Variants in SLC22A17 observed in about 807,000 individuals in gnomAD.
SLC22A17 encodes the protein solute carrier family 22 member 17.
SLC22A17 carries 38 observed loss-of-function variants against 53.6 expected under a neutral mutation model. That is an observed-to-expected ratio of 0.71 (90% confidence interval 0.55 to 0.93). SLC22A17 has a LOEUF of 0.93. Ranked by LOEUF, SLC22A17 falls within the 40% of genes least tolerant of loss-of-function variation. SLC22A17 has a pLI of 0.00. For synonymous variants in SLC22A17, 379 were observed against 353.0 expected (o/e 1.07, Z -0.82); for missense variants, 704 against 791.0 (o/e 0.89, Z 1.32).
chr14:23,348,263 T>G lies in SLC22A17; in HGVS notation c.1069A>C (p.Lys357Gln). The G allele has an allele frequency of 6.2e-7, 1 of 1,614,088 alleles. No homozygotes were observed. The highest frequency in any genetic ancestry group is 1.1e-5 in the South Asian group (1 of 91,080). Residue 357 changes from lysine (K) to glutamine (Q), a missense_variant, in exon 6 of 10, where the codon AAG (lysine) becomes CAG (glutamine). This residue lies in a region of SLC22A17 where 435 missense variants were observed against 529.0 expected (regional missense o/e 0.82). Coordinates refer to ENST00000397267, the Ensembl canonical transcript of SLC22A17. This position sits in a 1 kb window ranked among gnomAD's most constrained non-coding sequence, Gnocchi z 4.5. The stretch of plus-strand genomic sequence containing the variant: ...GACTGAGCCTCCTCAATCTGCCGCT[T>G]CACTATCAGCCACCGTGCGGACTCC...
At chr14:23,346,979 T>C in intron 9 of SLC22A17, 43 bp from the exon 10 acceptor site, 1 of 1,500,886 alleles carries the variant, frequency 6.7e-7, no homozygotes, top group Non-Finnish European at 8.9e-7. Context: ...AGCTGTAGCC[T>C]TGCTGGGCCC....
At chr14:23,351,711 C>T (rs745423097) in intron 3 of SLC22A17, 41 bp downstream of exon 3, 1 of 1,565,276 alleles carries the variant, frequency 6.4e-7, no homozygotes, top group East Asian at 2.3e-5. Context: ...TCCCTAGCAC[C>T]CCCTCCTTTC....
chr14:23,348,812 T>C lies in SLC22A17; in HGVS notation c.860-141A>G. 6 of 889,230 alleles carry C rather than the reference T, an allele frequency of 6.7e-6. No individual in the cohort carries two copies. The highest frequency in any genetic ancestry group is 6.7e-6 in the Non-Finnish European group (4 of 600,288). 55.1% of individuals were successfully genotyped at this position (889,230 alleles called of 1,614,324 possible). On this transcript the variant is annotated intron_variant, in intron 4 of 9. Coordinates refer to ENST00000397267, the Ensembl canonical transcript of SLC22A17. The surrounding 1 kb of genome is among the most constrained non-coding windows in gnomAD (Gnocchi z 4.5). Reference sequence around the variant, plus strand: ...AGGCTGCAGCCATTGCCTCCCTTGCTAACCTCTGGGTGGCAAGGACTGGGG... The same window carrying C: ...AGGCTGCAGCCATTGCCTCCCTTGCCAACCTCTGGGTGGCAAGGACTGGGG...
In SLC22A17 at chr14:23,348,941, T is replaced by A. The variant is rs1889434689; in HGVS notation, c.860-270A>T. 1.0e-5 allele frequency: 6 copies of A among 592,036 alleles called. No individual in the cohort carries two copies. In the South Asian group the frequency reaches 1.0e-4, roughly 10 times the overall value. 36.7% of individuals were successfully genotyped at this position (592,036 alleles called of 1,614,324 possible). ...TTTCCAATTTATAGGCCCTTTCCCA[T>A]CAGGCCTCTTATTTGACCTTCACAT... On this transcript the variant is annotated intron_variant, in intron 4 of 9. Transcript: ENST00000397267. The surrounding 1 kb of genome is among the most constrained non-coding windows in gnomAD (Gnocchi z 4.5).
At chr14:23,349,069 C>T (rs915863791) in intron 4 of SLC22A17, 3 of 679,402 alleles carry the variant, frequency 4.4e-6, no homozygotes, top group Non-Finnish European at 7.7e-6. Flanking sequence ...AAGTCCAGGA[C>T]AAAGACTTTA....
At position 23,352,293 on chromosome 14, in the gene SLC22A17, GGCGAGCA is replaced by G; in HGVS notation, c.248_254del (p.Leu83ProfsTer70). 1 of 1,400,836 alleles carries G rather than the reference GGCGAGCA, an allele frequency of 7.1e-7. No homozygotes were observed. The highest frequency in any genetic ancestry group is 9.3e-7 in the Non-Finnish European group (1 of 1,078,784). 86.8% of individuals were successfully genotyped at this position (1,400,836 alleles called of 1,614,324 possible). A position where few individuals can be genotyped will look rare whatever the true frequency, so the allele number is the denominator to read the frequency against. On this transcript the variant is annotated frameshift_variant, in exon 2 of 10. Transcript: ENST00000397267. LOFTEE classifies it high-confidence loss of function. The surrounding 1 kb of genome is among the most constrained non-coding windows in gnomAD (Gnocchi z 7.2). ...GGCCGCCGCCCAGCGCCCCCACCTG[GGCGAGCA>G]GCGCCTCAAAGCTGAGGGGGCCTGG... is the stretch of plus-strand genomic sequence containing the variant.
In SLC22A17 at chr14:23,348,814, A is replaced by C; in HGVS notation, c.860-143T>G. The C allele has an allele frequency of 6.9e-6, 6 of 873,630 alleles. No homozygotes were observed. Among genetic ancestry groups the C allele is most frequent in the Non-Finnish European group, 6.8e-6 (4 of 586,582 alleles). 54.1% of individuals were successfully genotyped at this position (873,630 alleles called of 1,614,324 possible). A position where few individuals can be genotyped will look rare whatever the true frequency, so the allele number is the denominator to read the frequency against. ...GCTGCAGCCATTGCCTCCCTTGCTA[A>C]CCTCTGGGTGGCAAGGACTGGGGAG... On this transcript the variant is annotated intron_variant, in intron 4 of 9. Transcript: ENST00000397267. This position sits in a 1 kb window ranked among gnomAD's most constrained non-coding sequence, Gnocchi z 4.5.
chr14:23,347,549 C>T lies in SLC22A17; in HGVS notation c.1460G>A (p.Gly487Asp). ...GCCCAGCAGGACCAGGGAAGCAATG[C>T]CGGTAAGGGTCATGGAGAGAAGAAG... Residue 487 changes from glycine to aspartate, a missense_variant, in exon 8 of 10, where the codon GGC becomes GAC. Coordinates refer to ENST00000397267, the Ensembl canonical transcript of SLC22A17. The surrounding 1 kb of genome is among the most constrained non-coding windows in gnomAD (Gnocchi z 5.1). 2.5e-6 allele frequency: 4 copies of T among 1,614,020 alleles called. No homozygotes were observed. Among genetic ancestry groups the T allele is most frequent in the Non-Finnish European group, 3.4e-6 (4 of 1,179,976 alleles).
Position 23,348,873 on chromosome 14 carries a change from C to T in SLC22A17, c.860-202G>A, listed in dbSNP as rs1313759846. 1.6e-6 allele frequency: 1 copy of T among 623,824 alleles called. No individual in the cohort carries two copies. The highest frequency in any genetic ancestry group is 2.8e-6 in the Non-Finnish European group (1 of 361,732). The allele number at this position is 623,824 out of a possible 1,614,324, so 38.6% of individuals were successfully genotyped here. On this transcript the variant is annotated intron_variant, in intron 4 of 9. Coordinates refer to ENST00000397267, the Ensembl canonical transcript of SLC22A17. The surrounding 1 kb of genome is among the most constrained non-coding windows in gnomAD (Gnocchi z 4.5). Reference sequence around the variant, plus strand: ...GCCCTCTCTCCTCTCCTGCTCAAACCTAGGAGGGCTCTAGGGCCAGAGTCC... The same window carrying T: ...GCCCTCTCTCCTCTCCTGCTCAAACTTAGGAGGGCTCTAGGGCCAGAGTCC...
In SLC22A17 at chr14:23,347,544, C is replaced by A; in HGVS notation, c.1465G>T (p.Ala489Ser). 6.2e-7 allele frequency: 1 copy of A among 1,614,092 alleles called. No individual in the cohort carries two copies. Among genetic ancestry groups the A allele is most frequent in the Non-Finnish European group, 8.5e-7 (1 of 1,179,996 alleles). ...CACAGGCCCAGCAGGACCAGGGAAG[C>A]AATGCCGGTAAGGGTCATGGAGAGA... Residue 489 changes from alanine to serine, a missense_variant, in exon 8 of 10, where the codon GCT (alanine) becomes TCT (serine). Physicochemically the swap from Ala to Ser is moderately conservative, Grantham distance 99 (BLOSUM62 1). Transcript: ENST00000397267. The surrounding 1 kb of genome is among the most constrained non-coding windows in gnomAD (Gnocchi z 5.1).
rs1326378155 is a variant in SLC22A17, at chr14:23,348,889, G to C, written c.860-218C>G. The stretch of plus-strand genomic sequence containing the variant: ...TGCTCAAACCTAGGAGGGCTCTAGG[G>C]CCAGAGTCCTGGGTGAGTGTTCAAC... On this transcript the variant is annotated intron_variant, in intron 4 of 9. Coordinates refer to ENST00000397267, the Ensembl canonical transcript of SLC22A17. This position sits in a 1 kb window ranked among gnomAD's most constrained non-coding sequence, Gnocchi z 4.5. The C allele has an allele frequency of 1.6e-6, 1 of 607,396 alleles. No individual in the cohort carries two copies. The highest frequency in any genetic ancestry group is 2.8e-5 in the East Asian group (1 of 36,136). The allele number at this position is 607,396 out of a possible 1,614,324, so 37.6% of individuals were successfully genotyped here. A position where few individuals can be genotyped will look rare whatever the true frequency, so the allele number is the denominator to read the frequency against.
In SLC22A17 at chr14:23,347,961, A is replaced by T. The variant is rs778711708; in HGVS notation, c.1207T>A (p.Ser403Thr). The change falls in exon 7 of 10, where the codon TCC (serine) becomes ACC (threonine). Residue 403 changes from serine (S) to threonine (T), a missense_variant. Ser to Thr is a moderately conservative substitution (Grantham distance 58). This residue lies in a region of SLC22A17 where 435 missense variants were observed against 529.0 expected (regional missense o/e 0.82). Transcript: ENST00000397267. The surrounding 1 kb of genome is among the most constrained non-coding windows in gnomAD (Gnocchi z 5.1). ...TTGAGGAGGGAAGCAAAGGAAAAGG[A>T]GGATGTTGCAGGGAGAGGGCAGGTA... 4 of 1,614,136 alleles carry T rather than the reference A, an allele frequency of 2.5e-6. No homozygotes were observed. In the South Asian group the frequency reaches 4.4e-5, roughly 18 times the overall value.
intron 3 of SLC22A17, among the ~76,000 whole-genome samples, chr14:23,350,561 C>T (rs921936277): frequency 6.6e-6 from 1 of 152,058 alleles, no homozygotes; most frequent in Non-Finnish European, 1.5e-5. Context: ...GGGGATAAGA[C>T]CATTGATCTA....
At position 23,346,917 on chromosome 14, in the gene SLC22A17, T is replaced by C. The variant is rs1421972951; in HGVS notation, c.1681A>G (p.Ile561Val). The C allele has an allele frequency of 3.3e-6, 5 of 1,538,330 alleles. No homozygotes were observed. The African/African-American group carries it at 6.8e-5, about 21-fold the overall frequency. Residue 561 changes from isoleucine (I) to valine (V), a missense_variant, in exon 10 of 10, where the codon ATC becomes GTC. Transcript: ENST00000397267. Reference sequence around the variant, plus strand: ...CCTCCAAGCGCCCCTAGAGCCATGATCAGGCCCAGGCCACGGCCCCTGGGG... The same window carrying C: ...CCTCCAAGCGCCCCTAGAGCCATGACCAGGCCCAGGCCACGGCCCCTGGGG...
chr14:23,347,687 C>A lies in SLC22A17; in HGVS notation c.1322G>T (p.Gly441Val). Reference sequence around the variant, plus strand: ...GTAGAAGTCCGATGGGCTCCCTCCTCCTCCCACAGGCTGGTAGCAGTGGCG... The same window carrying A: ...GTAGAAGTCCGATGGGCTCCCTCCTACTCCCACAGGCTGGTAGCAGTGGCG... The change falls in exon 8 of 10, where the codon GGA becomes GTA. Residue 441 changes from glycine to valine, a missense_variant. Physicochemically the swap from Gly to Val is moderately radical, Grantham distance 109. Transcript: ENST00000397267. This position sits in a 1 kb window ranked among gnomAD's most constrained non-coding sequence, Gnocchi z 5.1. The A allele has an allele frequency of 6.2e-7, 1 of 1,614,022 alleles. No homozygotes were observed. Among genetic ancestry groups the A allele is most frequent in the Non-Finnish European group, 8.5e-7 (1 of 1,180,016 alleles).
At chr14:23,351,849 G>C (rs1889642752) in exon 3 of SLC22A17, 1 of 1,613,392 alleles carries the variant, frequency 6.2e-7, no homozygotes, top group African/African-American at 1.3e-5. Flanking sequence ...TCACACACCA[G>C]ATCCCACTGG....
rs1889730230 is a variant in SLC22A17 at position 23,352,813 on chromosome 14, G to A, written c.-72C>T. Reference sequence around the variant, plus strand: ...TGTCCTCTGGCTCAGTTGCGCGCCGGCTGCCCGGACACAGACAGCTCGAAG... The same window carrying A: ...TGTCCTCTGGCTCAGTTGCGCGCCGACTGCCCGGACACAGACAGCTCGAAG... On this transcript the variant is annotated 5_prime_UTR_variant, in exon 1 of 10. Transcript: ENST00000397267. The surrounding 1 kb of genome is among the most constrained non-coding windows in gnomAD (Gnocchi z 7.2). The A allele has an allele frequency of 5.0e-6, 2 of 398,378 alleles. No individual in the cohort carries two copies. Among genetic ancestry groups the A allele is most frequent in the Admixed American group, 8.8e-5 (2 of 22,694 alleles). 24.7% of individuals were successfully genotyped at this position (398,378 alleles called of 1,614,324 possible). A position where few individuals can be genotyped will look rare whatever the true frequency, so the allele number is the denominator to read the frequency against.
Position 23,352,175 on chromosome 14 carries a change from G to A in SLC22A17, c.373C>T (p.His125Tyr), listed in dbSNP as rs1254984093. 3.7e-5 allele frequency: 57 copies of A among 1,524,184 alleles called. No individual in the cohort carries two copies. The highest frequency in any genetic ancestry group is 4.7e-5 in the Non-Finnish European group (54 of 1,140,326). 94.4% of individuals were successfully genotyped at this position (1,524,184 alleles called of 1,614,324 possible). ...GGGGGGAAGGCCCCGTAGTGGCAATGCAGCGGGGGCGCCAGCGTGAAGATG... is the reference window on the plus strand; with the variant it reads ...GGGGGGAAGGCCCCGTAGTGGCAATACAGCGGGGGCGCCAGCGTGAAGATG... Residue 125 changes from histidine (H) to tyrosine (Y), a missense_variant, in exon 2 of 10, where the codon CAT (histidine) becomes TAT (tyrosine). By Grantham distance (83) the His-to-Tyr change is moderately conservative. Coordinates refer to ENST00000397267, the Ensembl canonical transcript of SLC22A17. The surrounding 1 kb of genome is among the most constrained non-coding windows in gnomAD (Gnocchi z 7.2).
rs763957742 is a variant in SLC22A17, at chr14:23,347,260, C to T, written c.1550-48G>A. 9 of 1,553,430 alleles carry T rather than the reference C, an allele frequency of 5.8e-6. No homozygotes were observed. In the East Asian group the frequency reaches 1.6e-4, roughly 28 times the overall value. ...ATGAATGCAGGTGGGGAGGTCAAGG[C>T]TGGCCTAGTCCCGGGTGTCATCCCC... On this transcript the variant is annotated intron_variant, in intron 8 of 9. Coordinates refer to ENST00000397267, the Ensembl canonical transcript of SLC22A17. The surrounding 1 kb of genome is among the most constrained non-coding windows in gnomAD (Gnocchi z 5.1).
Sources: allele counts gnomAD v4.1 joint callset (sites outside exome capture counted in the v4.1 genomes callset), GRCh38; gene constraint gnomAD v4.1.1; regional missense constraint gnomAD v4.1.1; non-coding constraint Gnocchi (gnomAD v3.1); transcripts MANE v1.5; gene names NCBI Gene and HGNC (gene_info 2026-07-23, HGNC 2026-07-21).